Variants in RPH3AL observed in about 807,000 individuals in gnomAD.
The protein encoded by RPH3AL is rabphilin 3A like (without C2 domains).
RPH3AL carries 38 observed loss-of-function variants against 43.1 expected under a neutral mutation model. The observed-to-expected ratio is 0.88, with a 90% CI of 0.68 to 1.15. The LOEUF is 1.15. RPH3AL is among the 50% of genes most tolerant of loss of function. The probability of loss-of-function intolerance (pLI) is 0.00; values close to 1 mark genes in which losing one functional copy is unlikely to be tolerated. For synonymous variants in RPH3AL, 189 were observed against 176.3 expected (o/e 1.07, Z -0.57); for missense variants, 462 against 423.2 (o/e 1.09, Z -0.81).
At chr17:339,704 C>G (rs1050455195) in intron 1 of RPH3AL, 2 of 152,278 alleles carry the variant, frequency 1.3e-5, no homozygotes, top group African/African-American at 4.8e-5. Flanking sequence ...CTATCCCCCT[C>G]CTCCTCCCAA....
chr17:216,226 G>A lies in RPH3AL; in HGVS notation c.728-424C>T, dbSNP rs925146854. Reference sequence around the variant, plus strand: ...GCCTGACCCCACCCACATGGCTGCCGGGCTCTGGCCTGACCTCACCCACAT... The same window carrying A: ...GCCTGACCCCACCCACATGGCTGCCAGGCTCTGGCCTGACCTCACCCACAT... On this transcript the variant is annotated intron_variant, in intron 8 of 9. Coordinates refer to ENST00000331302, the MANE Select transcript of RPH3AL (RefSeq NM_006987.4). Among the ~76,000 whole-genome samples, 117 of 134,752 alleles carry A rather than the reference G, an allele frequency of 8.7e-4. 7 individuals carry two copies. The highest frequency in any genetic ancestry group is 3.0e-3 in the African/African-American group (110 of 36,456). The allele number at this position is 134,752 out of a possible 152,430, so 88.4% of individuals were successfully genotyped here. A position where few individuals can be genotyped will look rare whatever the true frequency, so the allele number is the denominator to read the frequency against.
Position 333,694 on chromosome 17 carries a change from C to A in RPH3AL, c.-37+65G>T, listed in dbSNP as rs1049638084. On this transcript the variant is annotated intron_variant, in intron 2 of 9. Coordinates refer to ENST00000331302, the MANE Select transcript of RPH3AL (RefSeq NM_006987.4). The surrounding 1 kb of genome is among the most constrained non-coding windows in gnomAD (Gnocchi z 4.5). The stretch of plus-strand genomic sequence containing the variant: ...ATCCTGGCAGATAAATCTCTGACGA[C>A]TGCCTTAGGATAAGTTCCCAAAAGG... 5.4e-6 allele frequency: 1 copy of A among 185,062 alleles called. No homozygotes were observed. Among genetic ancestry groups the A allele is most frequent in the Non-Finnish European group, 1.2e-5 (1 of 85,272 alleles). The allele number at this position is 185,062 out of a possible 1,614,324, so 11.5% of individuals were successfully genotyped here. A position where few individuals can be genotyped will look rare whatever the true frequency, so the allele number is the denominator to read the frequency against.
intron 6 of RPH3AL, among the ~76,000 whole-genome samples, chr17:257,497 G>T (rs373567896): frequency 2.5e-5 from 1 of 40,120 alleles, no homozygotes; most frequent in Non-Finnish European, 7.1e-5. Context: ...CTAGGAACGT[G>T]ACTACCCTAC....
chr17:316,438 A>T (rs1268414052), intron 5 of RPH3AL, among the ~76,000 whole-genome samples: 1 of 133,904 alleles, frequency 7.5e-6, no homozygotes, highest in Non-Finnish European at 1.6e-5. Context: ...ATTGACCTGT[A>T]GTCTCTGTGC....
At chr17:332,042 G>A (rs2044783470) in intron 2 of RPH3AL, 2 of 410,942 alleles carry the variant, frequency 4.9e-6, no homozygotes, top group Non-Finnish European at 8.9e-6. Context: ...GCTCTGGGGG[G>A]AGCAGAGGCA....
At chr17:259,838 A>C (rs2042158934) in intron 6 of RPH3AL, among the ~76,000 whole-genome samples, 1 of 152,258 alleles carries the variant, frequency 6.6e-6, no homozygotes, top group African/African-American at 2.4e-5. Flanking sequence ...ATTCTCATGG[A>C]TATTCGCCAA....
At chr17:277,094 G>A (rs72631435) in intron 6 of RPH3AL, among the ~76,000 whole-genome samples, 1 of 152,054 alleles carries the variant, frequency 6.6e-6, no homozygotes, top group Non-Finnish European at 1.5e-5. Flanking sequence ...TCTAAGGATA[G>A]AATCTAAAAT....
intron 5 of RPH3AL, among the ~76,000 whole-genome samples, chr17:285,526 C>G (rs2042886780): frequency 6.6e-6 from 1 of 152,160 alleles, no homozygotes; most frequent in African/African-American, 2.4e-5. Flanking sequence ...TGGTTTTCCT[C>G]TAGTCCCACA....
chr17:220,431 G>C (rs879074067), intron 7 of RPH3AL, among the ~76,000 whole-genome samples: 1 of 87,160 alleles, frequency 1.1e-5, no homozygotes, highest in Non-Finnish European at 2.7e-5. Flanking sequence ...GCCTCCACTC[G>C]GTGAGACAAT....
chr17:230,389 G>A (rs1003016974), intron 7 of RPH3AL, among the ~76,000 whole-genome samples: 1 of 152,242 alleles, frequency 6.6e-6, no homozygotes, highest in African/African-American at 2.4e-5. Flanking sequence ...TCCCTCCAGA[G>A]AGAACGCGAA....
chr17:263,303 A>C (rs1430426004), intron 6 of RPH3AL, among the ~76,000 whole-genome samples: 2 of 152,202 alleles, frequency 1.3e-5, no homozygotes, highest in East Asian at 3.9e-4. Context: ...AGCCGAAAGT[A>C]ATAACACAAC....
chr17:312,430 T>C (rs1473986545), intron 5 of RPH3AL, among the ~76,000 whole-genome samples: 6 of 152,188 alleles, frequency 3.9e-5, no homozygotes, highest in Non-Finnish European at 7.3e-5. Flanking sequence ...AGCCAGCACC[T>C]TGATCTCAGA....
At chr17:351,126 G>A (rs1194819016) in intron 1 of RPH3AL, among the ~76,000 whole-genome samples, 7 of 152,100 alleles carry the variant, frequency 4.6e-5, no homozygotes, top group Non-Finnish European at 8.8e-5. Context: ...GTCCACCTCC[G>A]ACCTACCTCT....
intron 6 of RPH3AL, among the ~76,000 whole-genome samples, chr17:268,965 G>A (rs2042390599): frequency 1.3e-5 from 2 of 152,034 alleles, no homozygotes; most frequent in Admixed American, 6.6e-5. Context: ...CGCAAGCTCT[G>A]CCTCCCGGGT....
rs1475414126 is a variant in RPH3AL at position 225,381 on chromosome 17, C to G, written c.614-5645G>C. Among the ~76,000 whole-genome samples, 1 of 152,160 alleles carries G rather than the reference C, an allele frequency of 6.6e-6. No individual in the cohort carries two copies. Among genetic ancestry groups the G allele is most frequent in the Admixed American group, 6.5e-5 (1 of 15,278 alleles). On this transcript the variant is annotated intron_variant, in intron 7 of 9. Coordinates refer to ENST00000331302, the MANE Select transcript of RPH3AL (RefSeq NM_006987.4). This position sits in a 1 kb window ranked among gnomAD's most constrained non-coding sequence, Gnocchi z 4.4. ...GGGTCCTGGACTGAGCTGCTTTGAT[C>G]ATGAATCCACCAAGACTGGACCTCA... is the stretch of plus-strand genomic sequence containing the variant.
At chr17:243,038 ACCATCCTCTATTGATTAC>A (rs1555537851) in intron 7 of RPH3AL, among the ~76,000 whole-genome samples, 2 of 109,898 alleles carry the variant, frequency 1.8e-5, no homozygotes, top group African/African-American at 3.7e-5. Context: ...TCTATTGAAT[ACCATCCTCTATTGATTAC>A]CCTTCCTCTA....
rs1272071333 is a variant in RPH3AL, at chr17:213,772, A to G, written c.*80T>C. ...GGCCAACAGGGTGTCTGGTGAGGGC[A>G]CAAGGACCGGTCAGGGAGGAGCCGG... On this transcript the variant is annotated 3_prime_UTR_variant, in exon 10 of 10. Coordinates refer to ENST00000331302, the MANE Select transcript of RPH3AL (RefSeq NM_006987.4). The G allele has an allele frequency of 7.3e-6, 8 of 1,100,224 alleles. No individual in the cohort carries two copies. In the East Asian group the frequency reaches 2.0e-4, roughly 27 times the overall value. 68.2% of individuals were successfully genotyped at this position (1,100,224 alleles called of 1,614,324 possible). A position where few individuals can be genotyped will look rare whatever the true frequency, so the allele number is the denominator to read the frequency against.
At chr17:218,475 C>G (rs71369966) in intron 8 of RPH3AL, among the ~76,000 whole-genome samples, 5 of 152,120 alleles carry the variant, frequency 3.3e-5, no homozygotes, top group African/African-American at 9.7e-5. Flanking sequence ...TCGCTGAAAT[C>G]AGGACCTCCA....
chr17:352,198 CCT>C (rs1053689390), intron 1 of RPH3AL, among the ~76,000 whole-genome samples: 2 of 152,182 alleles, frequency 1.3e-5, no homozygotes, highest in African/African-American at 4.8e-5. Flanking sequence ...TGCTGCAGCC[CCT>C]GAGCCAGTCT....
Sources: gnomAD v4.1 joint callset for allele counts (sites outside exome capture counted in the v4.1 genomes callset) on GRCh38, gnomAD v4.1.1 for gene constraint, Gnocchi (gnomAD v3.1) non-coding constraint, MANE v1.5 for transcripts, NCBI Gene and HGNC (gene_info 2026-07-23, HGNC 2026-07-21) for gene names.